Variants in SGCD observed in about 807,000 individuals in gnomAD.
SGCD encodes delta-sarcoglycan.
Under a neutral mutation model 36.6 loss-of-function variants are expected in SGCD, and 18 were observed. That is an observed-to-expected ratio of 0.49 (90% CI 0.34 to 0.73). SGCD has a LOEUF of 0.73. Ranked by LOEUF, SGCD falls within the 30% of genes least tolerant of loss-of-function variation. SGCD has a pLI of 0.01. For missense variants in SGCD, 387 were observed against 346.7 expected, an observed-to-expected ratio of 1.12 and a Z score of -0.92; for synonymous variants, 133 against 130.6, an observed-to-expected ratio of 1.02 and a Z score of -0.12.
At chr5:156,268,026 C>T (rs1288769847) in intron 3 of SGCD, among the ~76,000 whole-genome samples, 6 of 152,276 alleles carry the variant, frequency 3.9e-5, no homozygotes, top group Admixed American at 1.3e-4. Flanking sequence ...TCTGCTGTTC[C>T]CTTCTTTGTA....
At chr5:156,656,828 AGAAAGATTCTAC>A (rs1763701420) in intron 7 of SGCD, among the ~76,000 whole-genome samples, 1 of 152,198 alleles carries the variant, frequency 6.6e-6, no homozygotes, top group African/African-American at 2.4e-5. Context: ...ATGACAAAGC[AGAAAGATTCTAC>A]GATACATCTA....
intron 3 of SGCD, among the ~76,000 whole-genome samples, chr5:156,127,601 AGT>A (rs1477138703): frequency 2.0e-5 from 3 of 152,108 alleles, no homozygotes; most frequent in African/African-American, 4.8e-5. Context: ...TGGGTGACAT[AGT>A]GAGACTCTGT....
chr5:156,527,319 G>A (rs188479492), intron 4 of SGCD, among the ~76,000 whole-genome samples: 183 of 152,298 alleles, frequency 1.2e-3, no homozygotes, highest in Middle Eastern at 6.8e-3. Flanking sequence ...GCAAAGATGA[G>A]GGCAAGCTAT....
At chr5:156,134,826 C>T (rs112808649) in intron 3 of SGCD, among the ~76,000 whole-genome samples, 1,894 of 152,210 alleles carry the variant, frequency 0.012, 38 homozygotes, top group African/African-American at 0.044. Flanking sequence ...CACATGTACC[C>T]TAGAACTTGA....
chr5:156,061,361 C>T (rs998437555), intron 1 of SGCD, among the ~76,000 whole-genome samples: 1 of 145,802 alleles, frequency 6.9e-6, no homozygotes, highest in Admixed American at 6.9e-5. Flanking sequence ...AATTAAATTT[C>T]TGTTAGGTCT....
At chr5:156,008,085 TTGTGCTAGTGTCCTA>T in intron 1 of SGCD, among the ~76,000 whole-genome samples, 1 of 152,316 alleles carries the variant, frequency 6.6e-6, no homozygotes, top group Non-Finnish European at 1.5e-5. Flanking sequence ...ACTTTACCCG[TTGTGCTAGTGTCCTA>T]TGGCTGCTAT....
Position 156,241,970 on chromosome 5 carries a change from A to T in SGCD, c.-43-87564A>T, listed in dbSNP as rs567393081. ...GCCCAGAATGAGAGCTGGCCCTCAA[A>T]CAGGTTGAGAAAGGTTTCTCTGTGA... On this transcript the variant is annotated intron_variant, in intron 3 of 9. Coordinates refer to the SGCD transcript ENST00000517913. Among the ~76,000 whole-genome samples, 4 of 152,268 alleles carry T rather than the reference A, an allele frequency of 2.6e-5. No homozygotes were observed. The South Asian group carries it at 8.3e-4, about 32-fold the overall frequency.
At chr5:156,020,234 A>T (rs1172531500) in intron 1 of SGCD, among the ~76,000 whole-genome samples, 2 of 152,250 alleles carry the variant, frequency 1.3e-5, no homozygotes, top group African/African-American at 4.8e-5. Context: ...TTGAGATATC[A>T]ACTGAGAACA....
At chr5:155,960,216 G>C (rs1757764289) in intron 1 of SGCD, among the ~76,000 whole-genome samples, 1 of 151,734 alleles carries the variant, frequency 6.6e-6, no homozygotes, top group African/African-American at 2.4e-5. Flanking sequence ...CTTGCTCTGT[G>C]ATAACTGGCA....
chr5:156,677,340 A>G (rs1753553185), intron 7 of SGCD, among the ~76,000 whole-genome samples: 1 of 152,256 alleles, frequency 6.6e-6, no homozygotes, highest in Non-Finnish European at 1.5e-5. Flanking sequence ...CAGCCATAAG[A>G]AAGAATGGGT....
rs1212037129 is a variant in SGCD, at chr5:156,101,854, A to G, written c.-281-16024A>G. Reference sequence around the variant, plus strand: ...ATAAATTCTTTGATTAAATTCCAATATCAATAACTATAAACGTATAGGAGA... The same window carrying G: ...ATAAATTCTTTGATTAAATTCCAATGTCAATAACTATAAACGTATAGGAGA... On this transcript the variant is annotated intron_variant, in intron 1 of 9. Coordinates refer to the SGCD transcript ENST00000517913. 3.3e-5 allele frequency among the ~76,000 whole-genome samples: 5 copies of G among 151,956 alleles called. No individual in the cohort carries two copies. The East Asian group carries it at 7.7e-4, about 23-fold the overall frequency.
chr5:156,113,405 G>C (rs1486071699), intron 1 of SGCD, among the ~76,000 whole-genome samples: 1 of 152,052 alleles, frequency 6.6e-6, no homozygotes, highest in Non-Finnish European at 1.5e-5. Context: ...CAGGGACTGG[G>C]AATACAGCAA....
At chr5:156,268,427 C>A (rs930944980) in intron 3 of SGCD, among the ~76,000 whole-genome samples, 3 of 152,146 alleles carry the variant, frequency 2.0e-5, no homozygotes, top group African/African-American at 4.8e-5. Context: ...ACTCTCCCAC[C>A]AACAGTGTAT....
chr5:155,961,789 T>C (rs560042164), intron 1 of SGCD, among the ~76,000 whole-genome samples: 1 of 152,222 alleles, frequency 6.6e-6, no homozygotes, highest in East Asian at 1.9e-4. Context: ...TCCAAGCCTT[T>C]ACAGAGTAAT....
the SGCD span, among the ~76,000 whole-genome samples, chr5:155,809,849 A>G: frequency 6.6e-6 from 1 of 152,372 alleles, no homozygotes; most frequent in East Asian, 1.9e-4. Flanking sequence ...CAAAAAGACT[A>G]GAAAATGAAG....
At chr5:155,934,873 G>A (rs1289527721) in intron 1 of SGCD, among the ~76,000 whole-genome samples, 1 of 152,206 alleles carries the variant, frequency 6.6e-6, no homozygotes, top group Non-Finnish European at 1.5e-5. Context: ...ACATGACGAA[G>A]TTGGGACATG....
chr5:156,011,656 T>A (rs919329737), intron 1 of SGCD, among the ~76,000 whole-genome samples: 4 of 152,154 alleles, frequency 2.6e-5, no homozygotes, highest in Non-Finnish European at 5.9e-5. Context: ...GCCAGGGTGG[T>A]CTGGAACTCC....
At chr5:156,639,790 C>A (rs1397226171) in intron 6 of SGCD, among the ~76,000 whole-genome samples, 1 of 151,984 alleles carries the variant, frequency 6.6e-6, no homozygotes, top group Non-Finnish European at 1.5e-5. Flanking sequence ...TTTCTCTTGG[C>A]TTCTGTGTTA....
chr5:156,403,833 A>ATT (rs537921518), intron 3 of SGCD, among the ~76,000 whole-genome samples: 1 of 114,802 alleles, frequency 8.7e-6, no homozygotes, highest in Admixed American at 8.4e-5. Context: ...TCCCTGACAT[A>ATT]TTTTTTTTTC....
Sources: allele counts gnomAD v4.1 joint callset (sites outside exome capture counted in the v4.1 genomes callset), GRCh38; gene constraint gnomAD v4.1.1; transcripts MANE v1.5; gene names NCBI Gene and HGNC (gene_info 2026-07-23, HGNC 2026-07-21).